The following BEST3 variants were observed in gnomAD, a reference collection of about 807,000 sequenced individuals.
BEST3 encodes the protein bestrophin-3.
In BEST3, 50 loss-of-function variants were observed where a neutral mutation model predicts 47.1. The ratio of observed to expected loss-of-function variants is 1.06; its 90% CI spans 0.85 to 1.34. The LOEUF (loss-of-function observed/expected upper bound fraction) is 1.34, where lower values mean the gene tolerates loss of function less well. BEST3 is among the 40% of genes most tolerant of loss of function. BEST3 has a pLI of 0.00. For synonymous variants in BEST3, 282 were observed against 298.8 expected (o/e 0.94, Z 0.58); for missense variants, 765 against 817.0 (o/e 0.94, Z 0.78).
At chr12:69,686,432 T>G (rs1417824842) in intron 4 of BEST3, among the ~76,000 whole-genome samples, 1 of 151,952 alleles carries the variant, frequency 6.6e-6, no homozygotes, top group Admixed American at 6.6e-5. Flanking sequence ...GTTTGTACAT[T>G]AGTCCCAAAA....
At chr12:69,689,905 G>A (rs1034060926) in intron 4 of BEST3, among the ~76,000 whole-genome samples, 1 of 152,124 alleles carries the variant, frequency 6.6e-6, no homozygotes, top group Non-Finnish European at 1.5e-5. Flanking sequence ...TTTGTTATCA[G>A]TAATGAGTTG....
chr12:69,694,417 A>G lies in BEST3; in HGVS notation c.200T>C (p.Ile67Thr). The G allele has an allele frequency of 1.9e-6, 3 of 1,610,104 alleles. No homozygotes were observed. The highest frequency in any genetic ancestry group is 2.5e-6 in the Non-Finnish European group (3 of 1,178,394). ...TTGTTCAGCATATCTGTCACAGTAA[A>G]TTGATAATTTTTCAAAGTAACGTTT... The part of the protein sequence containing the change: ...VQKRYFEKLS[I>T]YCDRYAEQIP... Residue 67 changes from isoleucine to threonine, a missense_variant, in exon 3 of 10, where the codon ATT (isoleucine) becomes ACT (threonine). Ile to Thr is a moderately conservative substitution (Grantham distance 89). Transcript: ENST00000330891.
In BEST3 at chr12:69,653,753, G is replaced by T; in HGVS notation, c.*1154C>A. 1 of 985,406 alleles carries T rather than the reference G, an allele frequency of 1.0e-6. No individual in the cohort carries two copies. The highest frequency in any genetic ancestry group is 1.2e-6 in the Non-Finnish European group (1 of 829,942). The allele number at this position is 985,406 out of a possible 1,614,324, so 61.0% of individuals were successfully genotyped here. A position where few individuals can be genotyped will look rare whatever the true frequency, so the allele number is the denominator to read the frequency against. The stretch of plus-strand genomic sequence containing the variant: ...CTGTCCTGAGAGCTCCCTGGGAGGA[G>T]TACCAACATCCGATCCCCATTATGC... On this transcript the variant is annotated 3_prime_UTR_variant, in exon 10 of 10. Transcript: ENST00000330891.
At chr12:69,672,498 C>T (rs1249490495) in intron 8 of BEST3, among the ~76,000 whole-genome samples, 1 of 152,216 alleles carries the variant, frequency 6.6e-6, no homozygotes, top group Non-Finnish European at 1.5e-5. Context: ...TGACGTGATA[C>T]CACTTTGGGA....
intron 9 of BEST3, 80 bp downstream of exon 9, chr12:69,671,346 CTT>C (rs5798946): frequency 0.37 from 390,872 of 1,056,322 alleles, 31,483 homozygotes; most frequent in South Asian, 0.48. Flanking sequence ...TATTTTATTT[CTT>C]TTTTTTTTTT....
intron 4 of BEST3, among the ~76,000 whole-genome samples, chr12:69,679,653 G>C (rs1885122809): frequency 6.6e-6 from 1 of 152,178 alleles, no homozygotes; most frequent in Non-Finnish European, 1.5e-5. Context: ...TTGAGGTCAG[G>C]AGTTCAACAC....
At chr12:69,692,150 T>C (rs1403793049) in intron 4 of BEST3, among the ~76,000 whole-genome samples, 2 of 152,234 alleles carry the variant, frequency 1.3e-5, no homozygotes, top group African/African-American at 4.8e-5. Context: ...GTAGTTACTA[T>C]CTGTATTAGC....
chr12:69,671,612 A>G, intron 8 of BEST3, 33 bp from the exon 9 acceptor site: 2 of 1,603,630 alleles, frequency 1.2e-6, no homozygotes, highest in Non-Finnish European at 1.7e-6. Flanking sequence ...AGAATAACTC[A>G]GATGTAAATT....
chr12:69,650,955 A>C (rs1883190089), downstream of BEST3, among the ~76,000 whole-genome samples: 1 of 152,190 alleles, frequency 6.6e-6, no homozygotes, highest in Non-Finnish European at 1.5e-5. Flanking sequence ...TTAGAAGAAA[A>C]GTTTTCTGAG....
Position 69,655,582 on chromosome 12 carries a change from G to T in BEST3, c.1332C>A (p.Pro444=), listed in dbSNP as rs1173771816. The T allele has an allele frequency of 2.5e-6, 4 of 1,613,856 alleles. No individual in the cohort carries two copies. The highest frequency in any genetic ancestry group is 2.2e-5 in the South Asian group (2 of 91,044). The change falls in exon 10 of 10, where the codon CCC becomes CCA. Residue 444 remains proline, a synonymous_variant. Coordinates refer to ENST00000330891, the MANE Select transcript of BEST3 (RefSeq NM_032735.3). ...DLLDVPSRNP[P]RASPTWKKSC... ...ATTTCTTCCAGGTGGGTGAGGCCCTGGGGGGGTTTCTTGAGGGCACATCCA... is the reference window on the plus strand; with the variant it reads ...ATTTCTTCCAGGTGGGTGAGGCCCTTGGGGGGTTTCTTGAGGGCACATCCA...
rs1884571166 is a variant in BEST3, at chr12:69,671,500, G to A, written c.1028C>T (p.Ala343Val). The A allele has an allele frequency of 1.2e-6, 2 of 1,614,030 alleles. No individual in the cohort carries two copies. The highest frequency in any genetic ancestry group is 1.3e-5 in the African/African-American group (1 of 75,032). The change falls in exon 9 of 10, where the codon GCT becomes GTT. Residue 343 changes from alanine (A) to valine (V), a missense_variant. Coordinates refer to ENST00000330891, the MANE Select transcript of BEST3 (RefSeq NM_032735.3). ...KKDIYWDDSA[A>V]RPPYTLAAAD... ...AGCTGCCAATGTGTATGGTGGGCGA[G>A]CAGCAGAATCGTCCCAGTAAATGTC...
rs1367194807 is a variant in BEST3 at position 69,697,764 on chromosome 12, G to A, written c.35C>T (p.Ala12Val). Residue 12 changes from alanine to valine, a missense_variant, in exon 2 of 10, where the codon GCA becomes GTA. Physicochemically the swap from Ala to Val is moderately conservative, Grantham distance 64. Transcript: ENST00000330891. ...TVTYSSKVAN[A>V]TFFGFHRLLL... is the part of the protein sequence containing the mutation. ...TAACCTATGAAATCCAAAAAAAGTT[G>A]CATTTGCTACTTTACTGGAGTAAGT... is the stretch of plus-strand genomic sequence containing the variant. 2 of 1,612,844 alleles carry A rather than the reference G, an allele frequency of 1.2e-6. No homozygotes were observed. Among genetic ancestry groups the A allele is most frequent in the South Asian group, 2.2e-5 (2 of 90,808 alleles).
At chr12:69,669,357 G>A (rs1026455636) in intron 9 of BEST3, among the ~76,000 whole-genome samples, 1 of 152,204 alleles carries the variant, frequency 6.6e-6, no homozygotes, top group Admixed American at 6.5e-5. Context: ...AGCAGATCGA[G>A]TTAAACCTCT....
chr12:69,650,994 C>T (rs1883191140), downstream of BEST3, among the ~76,000 whole-genome samples: 1 of 152,154 alleles, frequency 6.6e-6, no homozygotes, highest in African/African-American at 2.4e-5. Context: ...GTCTGTAAGC[C>T]CCAGCTTCTC....
intron 9 of BEST3, among the ~76,000 whole-genome samples, chr12:69,667,730 C>A (rs1884315360): frequency 6.6e-6 from 1 of 152,162 alleles, no homozygotes; most frequent in Non-Finnish European, 1.5e-5. Context: ...GTAGCATTTA[C>A]CACATTGTAA....
chr12:69,651,096 G>C (rs561938285), downstream of BEST3, among the ~76,000 whole-genome samples: 718 of 152,062 alleles, frequency 4.7e-3, 5 homozygotes, highest in African/African-American at 0.016. Context: ...AAGAAGGAAA[G>C]CTTCCTGAAT....
intron 9 of BEST3, chr12:69,670,321 G>A: frequency 1.6e-6 from 1 of 634,810 alleles, no homozygotes; most frequent in Non-Finnish European, 2.8e-6. Flanking sequence ...AGGCTAGCTA[G>A]AAGCAGAAGC....
At chr12:69,670,377 G>A in intron 9 of BEST3, 1 of 690,668 alleles carries the variant, frequency 1.4e-6, no homozygotes, top group Non-Finnish European at 2.6e-6. Context: ...GTGCTTTGCG[G>A]GCAACAAGGC....
At chr12:69,693,609 A>C in intron 4 of BEST3, 65 bp downstream of exon 4, 1 of 1,301,550 alleles carries the variant, frequency 7.7e-7, no homozygotes, top group Non-Finnish European at 1.1e-6. Flanking sequence ...AGAATTTTCA[A>C]AGGAATTCTG....
Sources: gnomAD v4.1 joint callset for allele counts (sites outside exome capture counted in the v4.1 genomes callset) on GRCh38, gnomAD v4.1.1 for gene constraint, MANE v1.5 for transcripts, NCBI Gene and HGNC (gene_info 2026-07-23, HGNC 2026-07-21) for gene names.